Variants in CSPP1 observed in about 807,000 individuals in gnomAD.
CSPP1 encodes centrosome and spindle pole-associated protein 1.
Under a neutral mutation model 164.4 loss-of-function variants are expected in CSPP1, and 126 were observed. That is an observed-to-expected ratio of 0.77 (90% CI 0.66 to 0.89). The LOEUF is 0.89. CSPP1 is among the 40% of genes least tolerant of loss of function. The probability of loss-of-function intolerance (pLI) is 0.00; values close to 1 mark genes in which losing one functional copy is unlikely to be tolerated. For missense variants in CSPP1, 1,395 were observed against 1,449.8 expected, an observed-to-expected ratio of 0.96 and a Z score of 0.61; for synonymous variants, 472 against 476.7, an observed-to-expected ratio of 0.99 and a Z score of 0.13.
chr8:67,085,401 A>G (rs1018048635), intron 3 of CSPP1, among the ~76,000 whole-genome samples: 1 of 151,958 alleles, frequency 6.6e-6, no homozygotes, highest in African/African-American at 2.4e-5. Flanking sequence ...ATGTGATTCT[A>G]AGCAACACAT....
At chr8:67,143,179 T>A (rs919444298) in intron 17 of CSPP1, among the ~76,000 whole-genome samples, 2 of 152,094 alleles carry the variant, frequency 1.3e-5, no homozygotes, top group Non-Finnish European at 2.9e-5. Flanking sequence ...GTGAAATTCC[T>A]CTTTCTCAGT....
chr8:67,133,437 G>A (rs1051805816), intron 16 of CSPP1: 8 of 152,202 alleles, frequency 5.3e-5, no homozygotes, highest in African/African-American at 1.9e-4. Context: ...CCCAGTGCAT[G>A]CAGAGTTATC....
chr8:67,195,552 G>T lies in CSPP1; in HGVS notation c.3640G>T (p.Gly1214Cys). The T allele has an allele frequency of 6.2e-7, 1 of 1,614,190 alleles. No homozygotes were observed. The highest frequency in any genetic ancestry group is 2.2e-5 in the East Asian group (1 of 44,882). ...GCAGCAGCAGATTCCTGGAAAACCA[G>T]GCACTTTCACTTGGCAGGGCCTGTC... ...QEQQQIPGKPGTFTWQGLSTA... is the reference protein window; with the variant it reads ...QEQQQIPGKPCTFTWQGLSTA... The change falls in exon 31 of 31, where the codon GGC becomes TGC. Residue 1214 changes from glycine to cysteine, a missense_variant. Transcript: ENST00000678616.
chr8:67,177,608 A>AT, intron 26 of CSPP1, 72 bp from the exon 27 acceptor site: 1 of 933,592 alleles, frequency 1.1e-6, no homozygotes, highest in South Asian at 1.5e-5. Context: ...CAAAAAAGAT[A>AT]TTCTAAAATT....
chr8:67,182,215 T>C (rs1833223141), intron 28 of CSPP1, among the ~76,000 whole-genome samples: 1 of 152,064 alleles, frequency 6.6e-6, no homozygotes, highest in Admixed American at 6.5e-5. Flanking sequence ...GCTGCCCAGG[T>C]TGGTCGCGAA....
At chr8:67,133,120 T>C (rs1484598896) in intron 16 of CSPP1, among the ~76,000 whole-genome samples, 1 of 152,334 alleles carries the variant, frequency 6.6e-6, no homozygotes, top group East Asian at 1.9e-4. Context: ...CAAAACTAGA[T>C]TTTTCAACTC....
At chr8:67,131,369 G>A (rs901470847) in intron 15 of CSPP1, among the ~76,000 whole-genome samples, 1 of 152,102 alleles carries the variant, frequency 6.6e-6, no homozygotes, top group Admixed American at 6.6e-5. Flanking sequence ...CCTGGGTGAC[G>A]AAGTAGGACC....
intron 16 of CSPP1, among the ~76,000 whole-genome samples, chr8:67,132,478 G>A (rs954529656): frequency 2.0e-5 from 3 of 152,162 alleles, no homozygotes; most frequent in Non-Finnish European, 1.5e-5. Flanking sequence ...GAAATTTTAG[G>A]CCAAGAAAAG....
At position 67,118,258 on chromosome 8, in the gene CSPP1, C is replaced by T. The variant is rs1818317976; in HGVS notation, c.1507C>T (p.Leu503=). The change falls in exon 14 of 31, where the codon CTG becomes TTG. Residue 503 remains leucine (L), a synonymous_variant. Transcript: ENST00000678616. ...GEMVSPRIAP[L]PPPPLLPPLA... ...TTTCTTTTCATACAGGATTGCACCT[C>T]TGCCTCCACCTCCCCTACTACCACC... The T allele has an allele frequency of 1.2e-6, 2 of 1,613,596 alleles. No homozygotes were observed. Among genetic ancestry groups the T allele is most frequent in the Non-Finnish European group, 1.7e-6 (2 of 1,179,632 alleles).
intron 3 of CSPP1, among the ~76,000 whole-genome samples, chr8:67,084,506 A>T (rs1053256916): frequency 2.6e-5 from 4 of 152,228 alleles, no homozygotes; most frequent in African/African-American, 9.6e-5. Flanking sequence ...AAGGCACAAA[A>T]TGGTGATTTT....
chr8:67,158,528 G>C lies in CSPP1; in HGVS notation c.2323G>C (p.Glu775Gln), dbSNP rs1227448861. 5 of 1,612,858 alleles carry C rather than the reference G, an allele frequency of 3.1e-6. No individual in the cohort carries two copies. The Admixed American group carries it at 5.0e-5, about 16-fold the overall frequency. ...AEEKEERRLA[E>Q]QRARIQQEYE... is the part of the protein sequence containing the mutation. ...AGAAAAAGAAGAAAGACGGCTTGCA[G>C]AACAGAGGGCACGAATTCAGCAGGA... Residue 775 changes from glutamate to glutamine, a missense_variant, in exon 20 of 31, where the codon GAA becomes CAA. By Grantham distance (29) the Glu-to-Gln change is conservative. Transcript: ENST00000678616.
intron 1 of CSPP1, among the ~76,000 whole-genome samples, chr8:67,065,899 G>A (rs558124512): frequency 1.3e-5 from 2 of 152,286 alleles, no homozygotes; most frequent in South Asian, 4.1e-4. Flanking sequence ...AATTGAAACA[G>A]GCTACTTTCG....
At chr8:67,159,906 TTC>T (rs1491042671) in intron 21 of CSPP1, among the ~76,000 whole-genome samples, 4 of 69,062 alleles carry the variant, frequency 5.8e-5, no homozygotes, top group Non-Finnish European at 1.1e-4. Flanking sequence ...CTTTCTTTCT[TTC>T]TTTCTTTCTT....
At chr8:67,080,505 A>G (rs1168294662) in intron 3 of CSPP1, among the ~76,000 whole-genome samples, 1 of 152,186 alleles carries the variant, frequency 6.6e-6, no homozygotes, top group Admixed American at 6.5e-5. Context: ...GACACCAGCT[A>G]CCTGGAGTTG....
At chr8:67,065,306 G>A (rs1805312983) in intron 1 of CSPP1, among the ~76,000 whole-genome samples, 1 of 152,066 alleles carries the variant, frequency 6.6e-6, no homozygotes. Flanking sequence ...TGTTATTAAT[G>A]GGACTCATCT....
intron 4 of CSPP1, 127 bp downstream of exon 4, chr8:67,086,237 A>T (rs1810378296): frequency 1.3e-6 from 1 of 752,474 alleles, no homozygotes; most frequent in Non-Finnish European, 2.4e-6. Context: ...GTAGTAGTAT[A>T]GTCAAAGTTA....
At chr8:67,172,050 G>A (rs1011430669) in intron 24 of CSPP1, among the ~76,000 whole-genome samples, 1 of 142,472 alleles carries the variant, frequency 7.0e-6, no homozygotes, top group Non-Finnish European at 1.5e-5. Flanking sequence ...GTTTCTCCAC[G>A]TTGGCCCAGT....
At position 67,118,680 on chromosome 8, in the gene CSPP1, G is replaced by A; in HGVS notation, c.1619-63G>A. The stretch of plus-strand genomic sequence containing the variant: ...TATGCACCTTTTTCTGGAGGAATAA[G>A]TAAAATATTATTAAATGATTATTCT... On this transcript the variant is annotated intron_variant, in intron 14 of 30. Coordinates refer to ENST00000678616, the MANE Select transcript of CSPP1 (RefSeq NM_001382391.1). The A allele has an allele frequency of 3.5e-6, 4 of 1,151,342 alleles. 1 individual carries two copies. In the South Asian group the frequency reaches 4.4e-5, roughly 13 times the overall value. 71.3% of individuals were successfully genotyped at this position (1,151,342 alleles called of 1,614,324 possible).
chr8:67,175,851 G>A lies in CSPP1; in HGVS notation c.3109+415G>A, dbSNP rs1272481559. Reference sequence around the variant, plus strand: ...GAGTGTGTTTAAGTTTTGATGTGGCGTAAAATCTGTAAAGCATCAGACTGG... The same window carrying A: ...GAGTGTGTTTAAGTTTTGATGTGGCATAAAATCTGTAAAGCATCAGACTGG... On this transcript the variant is annotated intron_variant, in intron 26 of 30. Transcript: ENST00000678616. Among the ~76,000 whole-genome samples, 8 of 152,180 alleles carry A rather than the reference G, an allele frequency of 5.3e-5. No individual in the cohort carries two copies. The East Asian group carries it at 7.7e-4, about 15-fold the overall frequency.
Sources: gnomAD v4.1 joint callset for allele counts (sites outside exome capture counted in the v4.1 genomes callset) on GRCh38, gnomAD v4.1.1 for gene constraint, MANE v1.5 for transcripts, NCBI Gene and HGNC (gene_info 2026-07-23, HGNC 2026-07-21) for gene names.